NUP85: variants seen among roughly 807,000 people sequenced by gnomAD.
The protein encoded by NUP85 is nucleoporin 85, also known as nuclear pore complex protein Nup85.
NUP85 carries 23 observed loss-of-function variants against 92.8 expected under a neutral mutation model. The ratio of observed to expected loss-of-function variants is 0.25; its 90% CI spans 0.18 to 0.35. The LOEUF is 0.35. Ranked by LOEUF, NUP85 falls within the 10% of genes least tolerant of loss-of-function variation. The probability of loss-of-function intolerance (pLI) is 1.00; values close to 1 mark genes in which losing one functional copy is unlikely to be tolerated. For synonymous variants in NUP85, 314 were observed against 306.9 expected (o/e 1.02, Z -0.24); for missense variants, 759 against 822.8 (o/e 0.92, Z 0.95).
chr17:75,205,711 G>A lies in NUP85; in HGVS notation c.-51G>A, dbSNP rs765445132. ...AGCCAGCTCTGAGCGGGAGGCCTGA[G>A]CGGGAAGCATTGGCGTCCGAGCGAC... On this transcript the variant is annotated 5_prime_UTR_variant, in exon 1 of 19. Transcript: ENST00000245544. The A allele has an allele frequency of 1.0e-4, 164 of 1,612,396 alleles. 1 individual carries two copies. The South Asian group carries it at 1.7e-3, about 17-fold the overall frequency.
chr17:75,228,936 C>G, intron 11 of NUP85: 1 of 985,446 alleles, frequency 1.0e-6, no homozygotes, highest in Non-Finnish European at 1.2e-6. Flanking sequence ...CTGCTAACCC[C>G]TTAGCTGAAA....
chr17:75,215,177 A>T (rs2075391960), intron 5 of NUP85, among the ~76,000 whole-genome samples: 1 of 152,184 alleles, frequency 6.6e-6, no homozygotes, highest in African/African-American at 2.4e-5. Context: ...ATCTCAAAAG[A>T]TAAATAAATA....
At chr17:75,227,149 C>T (rs1279527078) in intron 11 of NUP85, among the ~76,000 whole-genome samples, 1 of 152,054 alleles carries the variant, frequency 6.6e-6, no homozygotes, top group East Asian at 1.9e-4. Context: ...CAGAAGATGG[C>T]CTTGATCAGG....
intron 14 of NUP85, 165 bp downstream of exon 14, chr17:75,232,144 G>A: frequency 1.4e-6 from 1 of 702,738 alleles, no homozygotes; most frequent in Non-Finnish European, 2.3e-6. Context: ...ATAATTACTT[G>A]GGAGGGACAG....
At chr17:75,220,751 G>A (rs1318927256) in intron 7 of NUP85, among the ~76,000 whole-genome samples, 1 of 151,136 alleles carries the variant, frequency 6.6e-6, no homozygotes, top group East Asian at 1.9e-4. Context: ...TGCCCAGCTG[G>A]TTTTTGTTTT....
intron 11 of NUP85, among the ~76,000 whole-genome samples, chr17:75,227,462 A>G (rs1352883982): frequency 6.6e-6 from 1 of 150,728 alleles, no homozygotes; most frequent in African/African-American, 2.4e-5. Flanking sequence ...CAGTCTCCCA[A>G]GTAGCTGGGA....
At position 75,216,880 on chromosome 17, in the gene NUP85, T is replaced by C. The variant is rs112797071; in HGVS notation, c.475+1057T>C. On this transcript the variant is annotated intron_variant, in intron 6 of 18. Transcript: ENST00000245544. The stretch of plus-strand genomic sequence containing the variant: ...TGCTGGCTGTACTCTGCCATTTTAT[T>C]TCATTTTATTTTTATTGATTGATTG... Among the ~76,000 whole-genome samples, 98 of 152,196 alleles carry C rather than the reference T, an allele frequency of 6.4e-4. No homozygotes were observed. In the Middle Eastern group the frequency reaches 0.01, roughly 16 times the overall value.
intron 7 of NUP85, among the ~76,000 whole-genome samples, chr17:75,222,645 C>T (rs1247138737): frequency 1.3e-5 from 2 of 151,608 alleles, no homozygotes; most frequent in African/African-American, 4.8e-5. Context: ...AGCCTCTGGT[C>T]ATATTTTGTT....
At chr17:75,222,866 T>G (rs1262554185) in intron 7 of NUP85, among the ~76,000 whole-genome samples, 1 of 151,742 alleles carries the variant, frequency 6.6e-6, no homozygotes, top group Non-Finnish European at 1.5e-5. Flanking sequence ...AAACCCCGTC[T>G]CTACTAAAAA....
intron 7 of NUP85, among the ~76,000 whole-genome samples, chr17:75,218,991 A>T (rs1220395907): frequency 1.3e-5 from 2 of 152,130 alleles, no homozygotes; most frequent in Non-Finnish European, 2.9e-5. Flanking sequence ...ACTTTGGATC[A>T]TCAGTTTCGA....
chr17:75,230,289 C>T (rs1485232705), intron 11 of NUP85, among the ~76,000 whole-genome samples: 5 of 151,938 alleles, frequency 3.3e-5, no homozygotes, highest in East Asian at 1.9e-4. Flanking sequence ...GTGATCCACC[C>T]GCCTCGGCCT....
intron 1 of NUP85, among the ~76,000 whole-genome samples, chr17:75,207,094 G>A (rs1379969509): frequency 1.3e-5 from 2 of 152,032 alleles, no homozygotes; most frequent in East Asian, 3.9e-4. Context: ...GTTTATAGGG[G>A]CGATGTGTAT....
chr17:75,235,053 C>T (rs73356305), intron 17 of NUP85, 47 bp from the exon 18 acceptor site: 2 of 1,478,098 alleles, frequency 1.4e-6, no homozygotes, highest in African/African-American at 1.4e-5. Flanking sequence ...CCAACCAATG[C>T]AGGCCAGGGC....
In NUP85 at chr17:75,218,316, G is replaced by T. The variant is rs369087501; in HGVS notation, c.597+10G>T. ...CAGCTTCTGGAACTTGGTAAGACAG[G>T]CCGGGCCCCCACCTCCCACCATGTG... On this transcript the variant is annotated intron_variant, in intron 7 of 18. Coordinates refer to ENST00000245544, the MANE Select transcript of NUP85 (RefSeq NM_024844.5). 1.2e-6 allele frequency: 2 copies of T among 1,612,474 alleles called. No individual in the cohort carries two copies. Among genetic ancestry groups the T allele is most frequent in the Non-Finnish European group, 1.7e-6 (2 of 1,179,042 alleles).
Position 75,209,823 on chromosome 17 carries a change from A to C in NUP85, c.128A>C (p.Glu43Ala). 6.3e-7 allele frequency: 1 copy of C among 1,575,344 alleles called. No individual in the cohort carries two copies. ...ATTTTTTTTTTCTGTTTGGTTTCAGAAAAATCAGAGATGGTGCCAAGTTGC... is the reference window on the plus strand; with the variant it reads ...ATTTTTTTTTTCTGTTTGGTTTCAGCAAAATCAGAGATGGTGCCAAGTTGC... ...LVCETSFNKK[E>A]KSEMVPSCPF... is the part of the protein sequence containing the mutation. The change falls in exon 3 of 19, where the codon GAA (glutamate) becomes GCA (alanine). Residue 43 changes from glutamate (E) to alanine (A), a missense_variant and splice_region_variant. By Grantham distance (107) the Glu-to-Ala change is moderately radical. Coordinates refer to ENST00000245544, the MANE Select transcript of NUP85 (RefSeq NM_024844.5).
intron 6 of NUP85, among the ~76,000 whole-genome samples, chr17:75,217,872 G>A (rs1037080836): frequency 1.3e-5 from 2 of 152,084 alleles, no homozygotes; most frequent in African/African-American, 2.4e-5. Context: ...GTTCCTAAAC[G>A]GCCATTACTT....
At chr17:75,214,402 T>C (rs2075366277) in intron 5 of NUP85, among the ~76,000 whole-genome samples, 1 of 152,204 alleles carries the variant, frequency 6.6e-6, no homozygotes, top group Admixed American at 6.6e-5. Context: ...CGGGGTCTTA[T>C]ATTGGGCTTT....
chr17:75,233,565 GCACGCGGAAC>G (rs2076186213), intron 16 of NUP85, among the ~76,000 whole-genome samples: 1 of 150,212 alleles, frequency 6.7e-6, no homozygotes, highest in African/African-American at 2.5e-5. Context: ...GGGATTACAG[GCACGCGGAAC>G]CACACCTGGC....
chr17:75,235,165 A>T lies in NUP85; in HGVS notation c.1833A>T (p.Arg611Ser), dbSNP rs1384083837. 6.2e-7 allele frequency: 1 copy of T among 1,613,910 alleles called. No homozygotes were observed. The highest frequency in any genetic ancestry group is 1.3e-5 in the African/African-American group (1 of 74,878). The change falls in exon 18 of 19, where the codon AGA (arginine) becomes AGT (serine). Residue 611 changes from arginine (R) to serine (S), a missense_variant. Coordinates refer to ENST00000245544, the MANE Select transcript of NUP85 (RefSeq NM_024844.5). ...GTCTGGAGGACTTGACGTCAAGAAG[A>T]CCTGTGCATGGAGAATCTGATACCG... Reference protein sequence around the residue: ...MRCLEDLTSRRPVHGESDTEQ... With the variant: ...MRCLEDLTSRSPVHGESDTEQ...
Sources: allele counts gnomAD v4.1 joint callset (sites outside exome capture counted in the v4.1 genomes callset), GRCh38; gene constraint gnomAD v4.1.1; transcripts MANE v1.5; gene names NCBI Gene and HGNC (gene_info 2026-07-23, HGNC 2026-07-21).